TRERF1: variants seen among roughly 807,000 people sequenced by gnomAD.
TRERF1 encodes the protein transcriptional regulating factor 1, also known as transcriptional-regulating factor 1.
In TRERF1, 27 loss-of-function variants were observed where a neutral mutation model predicts 122.9. The observed-to-expected ratio is 0.22, with a 90% CI of 0.16 to 0.30. The LOEUF is 0.30. TRERF1 is among the 10% of genes least tolerant of loss of function. TRERF1 has a pLI of 1.00. For missense variants in TRERF1, 1,248 were observed against 1,560.3 expected (o/e 0.80, Z 3.37); for synonymous variants, 636 against 641.7 (o/e 0.99, Z 0.13).
chr6:42,382,161 T>G (rs1026965142), intron 2 of TRERF1, among the ~76,000 whole-genome samples: 3 of 151,460 alleles, frequency 2.0e-5, no homozygotes, highest in Non-Finnish European at 4.4e-5. Flanking sequence ...CTTGGGTGTT[T>G]CTACGGTTCC....
intron 3 of TRERF1, among the ~76,000 whole-genome samples, chr6:42,331,246 T>C (rs552790566): frequency 1.3e-5 from 2 of 152,222 alleles, no homozygotes; most frequent in South Asian, 4.1e-4. Flanking sequence ...GAGTGGTAAC[T>C]GAGGCAGCAG....
intron 2 of TRERF1, among the ~76,000 whole-genome samples, chr6:42,399,949 G>T (rs1779155398): frequency 6.6e-6 from 1 of 152,154 alleles, no homozygotes; most frequent in Non-Finnish European, 1.5e-5. Context: ...CTCCAAGAGG[G>T]TCCCACAGGA....
At chr6:42,374,589 G>A (rs189375887) in intron 2 of TRERF1, among the ~76,000 whole-genome samples, 64 of 152,294 alleles carry the variant, frequency 4.2e-4, no homozygotes, top group South Asian at 1.0e-3. Context: ...TCCTGCCAGA[G>A]CTCTGACTGA....
chr6:42,395,094 C>T (rs1778366483), intron 2 of TRERF1, among the ~76,000 whole-genome samples: 1 of 152,372 alleles, frequency 6.6e-6, no homozygotes, highest in South Asian at 2.1e-4. Flanking sequence ...TCTGGGGAGT[C>T]CAGGCTGTGC....
intron 3 of TRERF1, among the ~76,000 whole-genome samples, chr6:42,303,311 T>C (rs541856013): frequency 8.2e-4 from 125 of 152,278 alleles, no homozygotes; most frequent in African/African-American, 2.8e-3. Flanking sequence ...TAAAGAAACA[T>C]AGCTAATGCA....
chr6:42,442,085 A>T (rs954356421), intron 2 of TRERF1, among the ~76,000 whole-genome samples: 1 of 152,146 alleles, frequency 6.6e-6, no homozygotes, highest in Non-Finnish European at 1.5e-5. Flanking sequence ...GCATGTATTC[A>T]CCCAATTAAC....
At chr6:42,368,724 G>A (rs1429604690) in intron 2 of TRERF1, among the ~76,000 whole-genome samples, 1 of 152,060 alleles carries the variant, frequency 6.6e-6, no homozygotes, top group Admixed American at 6.6e-5. Context: ...TTGGACTTCT[G>A]GGTCAAAAAA....
intron 5 of TRERF1, among the ~76,000 whole-genome samples, chr6:42,266,720 T>C (rs533882269): frequency 1.2e-4 from 18 of 152,342 alleles, no homozygotes; most frequent in African/African-American, 4.1e-4. Flanking sequence ...AGCCAAGGCA[T>C]GAAAAGTGCC....
At chr6:42,341,768 C>A (rs1767335850) in intron 3 of TRERF1, among the ~76,000 whole-genome samples, 2 of 152,194 alleles carry the variant, frequency 1.3e-5, no homozygotes, top group African/African-American at 4.8e-5. Context: ...GGGCAAGTTA[C>A]CATAATCCAC....
intron 2 of TRERF1, among the ~76,000 whole-genome samples, chr6:42,436,809 AAAAAAATATAT>A (rs1295580999): frequency 8.5e-6 from 1 of 117,062 alleles, no homozygotes; most frequent in Non-Finnish European, 1.7e-5. Flanking sequence ...ACAAAAAAAA[AAAAAAATATAT>A]ATATATATAT....
chr6:42,295,987 T>C (rs1305191183), intron 4 of TRERF1, among the ~76,000 whole-genome samples: 1 of 152,168 alleles, frequency 6.6e-6, no homozygotes, highest in Non-Finnish European at 1.5e-5. Context: ...CTAAAGGACA[T>C]TCACGACCCT....
intron 3 of TRERF1, among the ~76,000 whole-genome samples, chr6:42,311,635 G>A (rs977372287): frequency 6.6e-6 from 1 of 151,630 alleles, no homozygotes; most frequent in African/African-American, 2.4e-5. Flanking sequence ...GCGTTGTGGC[G>A]GGCGTCTGTA....
rs550998971 is a variant in TRERF1 at position 42,275,095 on chromosome 6, G to C, written c.-258-5247C>G. Among the ~76,000 whole-genome samples the C allele has an allele frequency of 6.6e-6, 1 of 152,198 alleles. No homozygotes were observed. Among genetic ancestry groups the C allele is most frequent in the Non-Finnish European group, 1.5e-5 (1 of 68,036 alleles). On this transcript the variant is annotated intron_variant, in intron 4 of 17. Transcript: ENST00000372922. The surrounding 1 kb of genome is among the most constrained non-coding windows in gnomAD (Gnocchi z 4.1). Reference sequence around the variant, plus strand: ...TATACAGATGGTAGCGTGCTACGCCGTGGTTTAGCATCTTGCCAAAAGGCT... The same window carrying C: ...TATACAGATGGTAGCGTGCTACGCCCTGGTTTAGCATCTTGCCAAAAGGCT...
At chr6:42,415,107 T>C (rs1781641992) in intron 2 of TRERF1, among the ~76,000 whole-genome samples, 1 of 152,234 alleles carries the variant, frequency 6.6e-6, no homozygotes, top group African/African-American at 2.4e-5. Context: ...AGGTTACAAA[T>C]GCCTTCTTAT....
rs548147728 is a variant in TRERF1 at position 42,251,526 on chromosome 6, AT to A, written c.2656+3324del. On this transcript the variant is annotated intron_variant, in intron 13 of 17. Transcript: ENST00000372922. ...AGAATTTGAGCTTGTCCACTAGGCA[AT>A]TTTTTTTTTTTTAATTTAAACCAGT... Among the ~76,000 whole-genome samples the A allele has an allele frequency of 7.9e-3, 1,165 of 147,194 alleles. 10 individuals are homozygous for A. The highest frequency in any genetic ancestry group is 0.019 in the African/African-American group (779 of 40,376).
At chr6:42,314,896 C>T (rs1210367341) in intron 3 of TRERF1, among the ~76,000 whole-genome samples, 1 of 152,186 alleles carries the variant, frequency 6.6e-6, no homozygotes, top group Admixed American at 6.5e-5. Flanking sequence ...TAAAACAAAA[C>T]AGAAGTATAA....
chr6:42,418,266 C>CTTTT (rs60655151), intron 2 of TRERF1, among the ~76,000 whole-genome samples: 1 of 37,012 alleles, frequency 2.7e-5, no homozygotes, highest in Non-Finnish European at 4.4e-5. Flanking sequence ...TTCTTTCTTT[C>CTTTT]TTTTTTTTTT....
intron 2 of TRERF1, among the ~76,000 whole-genome samples, chr6:42,443,271 GC>G (rs1786860308): frequency 6.6e-6 from 1 of 152,156 alleles, no homozygotes; most frequent in Non-Finnish European, 1.5e-5. Context: ...TAGCCTCTCT[GC>G]TTTTGTGTAT....
chr6:42,282,608 A>G (rs888232702), intron 4 of TRERF1, among the ~76,000 whole-genome samples: 1 of 152,218 alleles, frequency 6.6e-6, no homozygotes, highest in Admixed American at 6.5e-5. Flanking sequence ...AACAACAATG[A>G]AACTCTCTAT....
Sources: gnomAD v4.1 joint callset for allele counts (sites outside exome capture counted in the v4.1 genomes callset) on GRCh38, gnomAD v4.1.1 for gene constraint, Gnocchi (gnomAD v3.1) non-coding constraint, MANE v1.5 for transcripts, NCBI Gene and HGNC (gene_info 2026-07-23, HGNC 2026-07-21) for gene names.